Variants in ELK3 observed in about 807,000 individuals in gnomAD.
ELK3 encodes ETS domain-containing protein Elk-3.
In ELK3, 10 loss-of-function variants were observed where a neutral mutation model predicts 28.9. That is an observed-to-expected ratio of 0.35 (90% CI 0.21 to 0.59). The LOEUF (loss-of-function observed/expected upper bound fraction) is 0.59, where lower values mean the gene tolerates loss of function less well. Ranked by LOEUF, ELK3 falls within the 20% of genes least tolerant of loss-of-function variation. The probability of loss-of-function intolerance (pLI) is 0.82; values close to 1 mark genes in which losing one functional copy is unlikely to be tolerated. For missense variants in ELK3, 463 were observed against 517.3 expected (o/e 0.90, Z 1.02); for synonymous variants, 272 against 243.5 (o/e 1.12, Z -1.09).
At chr12:96,220,534 C>T (rs1007745531) in intron 1 of ELK3, among the ~76,000 whole-genome samples, 9 of 151,912 alleles carry the variant, frequency 5.9e-5, no homozygotes, top group Non-Finnish European at 7.4e-5. Context: ...ATTATAAGCG[C>T]GGGCCACCAC....
chr12:96,204,169 G>T (rs1025834705), intron 1 of ELK3, among the ~76,000 whole-genome samples: 3 of 148,516 alleles, frequency 2.0e-5, no homozygotes, highest in Non-Finnish European at 3.0e-5. Flanking sequence ...TCAATGTAAA[G>T]TTTTTTTTTT....
chr12:96,227,922 C>T (rs1364044400), intron 2 of ELK3, among the ~76,000 whole-genome samples: 1 of 152,062 alleles, frequency 6.6e-6, no homozygotes, highest in African/African-American at 2.4e-5. Flanking sequence ...AACAGGGCCC[C>T]AAACAGGGTA....
rs1952072121 is a variant in ELK3 at position 96,269,780 on chromosome 12, CTGTCA to C, written c.*2602_*2606del. 6.6e-6 allele frequency: 1 copy of C among 152,100 alleles called. No individual in the cohort carries two copies. The highest frequency in any genetic ancestry group is 1.5e-5 in the Non-Finnish European group (1 of 68,016). 9.4% of individuals were successfully genotyped at this position (152,100 alleles called of 1,614,324 possible). A position where few individuals can be genotyped will look rare whatever the true frequency, so the allele number is the denominator to read the frequency against. On this transcript the variant is annotated 3_prime_UTR_variant, in exon 5 of 5. Transcript: ENST00000228741. Reference sequence around the variant, plus strand: ...ATCTTCACTTTATGTATCATTTTTACTGTCATATTATTTTTGTTCAATAAAAACTT... The same window carrying C: ...ATCTTCACTTTATGTATCATTTTTACTATTATTTTTGTTCAATAAAAACTT...
intron 3 of ELK3, among the ~76,000 whole-genome samples, chr12:96,250,739 G>A (rs913761222): frequency 6.6e-6 from 1 of 152,206 alleles, no homozygotes; most frequent in Non-Finnish European, 1.5e-5. Context: ...GGTGTGCTGT[G>A]TGCAGTGTGA....
chr12:96,201,821 C>T (rs554788236), intron 1 of ELK3, among the ~76,000 whole-genome samples: 12 of 152,214 alleles, frequency 7.9e-5, no homozygotes, highest in African/African-American at 2.9e-4. Context: ...TAAGTTTCCC[C>T]TTGAATTCCA....
chr12:96,244,687 C>T (rs1239060788), intron 2 of ELK3, among the ~76,000 whole-genome samples: 1 of 152,088 alleles, frequency 6.6e-6, no homozygotes, highest in Admixed American at 6.5e-5. Flanking sequence ...TGAGCTAAAA[C>T]TAAAAATAAC....
intron 2 of ELK3, among the ~76,000 whole-genome samples, chr12:96,228,266 A>G (rs1334871977): frequency 6.6e-6 from 1 of 151,886 alleles, no homozygotes. Flanking sequence ...AAAAATACAA[A>G]AATTAGCTGG....
intron 1 of ELK3, chr12:96,213,724 T>A (rs906062771): frequency 4.7e-5 from 7 of 148,916 alleles, no homozygotes; most frequent in African/African-American, 1.8e-4. Context: ...AAAATCTCTC[T>A]TTTTTTTTGT....
chr12:96,257,792 A>C (rs1951962070), intron 3 of ELK3, among the ~76,000 whole-genome samples: 1 of 152,244 alleles, frequency 6.6e-6, no homozygotes, highest in Non-Finnish European at 1.5e-5. Flanking sequence ...AGGCTGACTC[A>C]GTTGAGTTGG....
At chr12:96,216,669 T>C (rs1333825601) in intron 1 of ELK3, among the ~76,000 whole-genome samples, 1 of 152,228 alleles carries the variant, frequency 6.6e-6, no homozygotes, top group Non-Finnish European at 1.5e-5. Flanking sequence ...TAAAAGGTAA[T>C]TGTAGTTAAC....
chr12:96,267,389 G>C lies in ELK3; in HGVS notation c.*209G>C, dbSNP rs1398676656. 6.7e-6 allele frequency: 3 copies of C among 446,228 alleles called. No homozygotes were observed. The highest frequency in any genetic ancestry group is 6.0e-5 in the African/African-American group (3 of 49,624). The allele number at this position is 446,228 out of a possible 1,614,324, so 27.6% of individuals were successfully genotyped here. A position where few individuals can be genotyped will look rare whatever the true frequency, so the allele number is the denominator to read the frequency against. ...TATATGAAAATCTGTTTGGCATTAA[G>C]TGAATTTTAATGTTTTTGTTTTTAT... is the stretch of plus-strand genomic sequence containing the variant. On this transcript the variant is annotated 3_prime_UTR_variant, in exon 5 of 5. Coordinates refer to ENST00000228741, the MANE Select transcript of ELK3 (RefSeq NM_005230.4).
intron 2 of ELK3, among the ~76,000 whole-genome samples, chr12:96,246,319 A>G (rs1951854906): frequency 6.6e-6 from 1 of 152,206 alleles, no homozygotes; most frequent in African/African-American, 2.4e-5. Context: ...ATTGCTGTTC[A>G]GATTGTATGA....
chr12:96,241,276 G>C (rs1951818985), intron 2 of ELK3, among the ~76,000 whole-genome samples: 1 of 152,070 alleles, frequency 6.6e-6, no homozygotes, highest in Non-Finnish European at 1.5e-5. Flanking sequence ...TCATCAAGAA[G>C]GTAAATCTAA....
At position 96,259,865 on chromosome 12, in the gene ELK3, GA is replaced by G; in HGVS notation, c.1125+15del. 1 of 1,583,434 alleles carries G rather than the reference GA, an allele frequency of 6.3e-7. No individual in the cohort carries two copies. The highest frequency in any genetic ancestry group is 8.6e-7 in the Non-Finnish European group (1 of 1,167,568). On this transcript the variant is annotated intron_variant, in intron 4 of 4. Coordinates refer to ENST00000228741, the MANE Select transcript of ELK3 (RefSeq NM_005230.4). ...GCACGCTGTTCCAGGTGAGCGTTTG[GA>G]AATGAACTTTTGAACATTAAGCTTC...
chr12:96,267,057 T>C (rs1421521113), intron 4 of ELK3, 25 bp from the exon 5 acceptor site: 5 of 1,594,368 alleles, frequency 3.1e-6, no homozygotes, highest in Non-Finnish European at 4.3e-6. Context: ...CAATAATTAT[T>C]GTAAAAATCT....
intron 1 of ELK3, among the ~76,000 whole-genome samples, chr12:96,206,327 T>A (rs74613584): frequency 0.019 from 2,906 of 152,112 alleles, 85 homozygotes; most frequent in African/African-American, 0.065. Flanking sequence ...TTATTTATTT[T>A]TTTTTTTGAG....
At chr12:96,208,179 G>A (rs1166075905) in intron 1 of ELK3, among the ~76,000 whole-genome samples, 1 of 152,152 alleles carries the variant, frequency 6.6e-6, no homozygotes, top group Non-Finnish European at 1.5e-5. Flanking sequence ...AGCCTCCTGA[G>A]TAGTTGGGAT....
At chr12:96,235,100 T>C (rs1951771732) in intron 2 of ELK3, among the ~76,000 whole-genome samples, 1 of 151,970 alleles carries the variant, frequency 6.6e-6, no homozygotes, top group East Asian at 1.9e-4. Flanking sequence ...AGCGTGGCAC[T>C]CCTCTGCGTG....
chr12:96,218,603 C>G (rs1472728614), intron 1 of ELK3, among the ~76,000 whole-genome samples: 1 of 151,610 alleles, frequency 6.6e-6, no homozygotes, highest in Non-Finnish European at 1.5e-5. Context: ...ATGTATACCC[C>G]CTGAATCTTA....
Sources: allele counts gnomAD v4.1 joint callset (sites outside exome capture counted in the v4.1 genomes callset), GRCh38; gene constraint gnomAD v4.1.1; transcripts MANE v1.5; gene names NCBI Gene and HGNC (gene_info 2026-07-23, HGNC 2026-07-21).